The following DNAH14 variants were observed in gnomAD, a reference collection of about 807,000 sequenced individuals.
The protein encoded by DNAH14 is dynein axonemal heavy chain 14, also known as axonemal beta dynein heavy chain 14.
DNAH14 carries 478 observed loss-of-function variants against 520.9 expected under a neutral mutation model. That is an observed-to-expected ratio of 0.92 (90% CI 0.85 to 0.99). The LOEUF (loss-of-function observed/expected upper bound fraction) is 0.99. Ranked by LOEUF, DNAH14 falls within the 50% of genes least tolerant of loss-of-function variation. The pLI, the probability that DNAH14 is intolerant of heterozygous loss-of-function variation, is 0.00. For missense variants in DNAH14, 4,831 were observed against 5,234.5 expected (o/e 0.92, Z 2.38); for synonymous variants, 1,581 against 1,757.2 (o/e 0.90, Z 2.51).
intron 10 of DNAH14, among the ~76,000 whole-genome samples, chr1:225,020,465 C>T (rs1181056277): frequency 1.5e-5 from 2 of 131,120 alleles, no homozygotes; most frequent in Non-Finnish European, 3.1e-5. Flanking sequence ...CCACTGGAAT[C>T]CAGCCTGGGT....
intron 74 of DNAH14, among the ~76,000 whole-genome samples, chr1:225,359,639 G>T (rs937567718): frequency 1.3e-5 from 2 of 152,140 alleles, no homozygotes; most frequent in African/African-American, 2.4e-5. Context: ...CACCTGGAAT[G>T]TTTCCATGCA....
At chr1:225,056,528 A>C (rs1239197466) in intron 17 of DNAH14, among the ~76,000 whole-genome samples, 1 of 152,052 alleles carries the variant, frequency 6.6e-6, no homozygotes, top group Non-Finnish European at 1.5e-5. Context: ...AAAGCTCTTT[A>C]GTTTAATTAG....
At chr1:225,078,216 A>G (rs2072535652) in intron 17 of DNAH14, among the ~76,000 whole-genome samples, 2 of 152,182 alleles carry the variant, frequency 1.3e-5, no homozygotes, top group Non-Finnish European at 2.9e-5. Context: ...ACAGTTGTAT[A>G]ACTTGCTACA....
At chr1:225,327,050 A>G (rs2094687371) in intron 64 of DNAH14, among the ~76,000 whole-genome samples, 1 of 152,238 alleles carries the variant, frequency 6.6e-6, no homozygotes. Context: ...GATATTCTCC[A>G]GGGTAGACCA....
chr1:225,103,553 T>C (rs1328976860), intron 23 of DNAH14, among the ~76,000 whole-genome samples: 2 of 152,178 alleles, frequency 1.3e-5, no homozygotes, highest in Non-Finnish European at 2.9e-5. Context: ...GTTTGTATCC[T>C]CTTTTATTTC....
chr1:225,351,650 C>T lies in DNAH14; in HGVS notation c.11300C>T (p.Thr3767Ile). 1.3e-6 allele frequency: 2 copies of T among 1,541,160 alleles called. No individual in the cohort carries two copies. The highest frequency in any genetic ancestry group is 1.2e-5 in the South Asian group (1 of 82,826). The change falls in exon 72 of 86, where the codon ACA (threonine) becomes ATA (isoleucine). Residue 3767 changes from threonine to isoleucine, a missense_variant. Physicochemically the swap from Thr to Ile is moderately conservative, Grantham distance 89. Coordinates refer to ENST00000682510, the MANE Select transcript of DNAH14 (RefSeq NM_001367479.1). ...SALSQSRLTS[T>I]FEIGESQHLQ... is the part of the protein sequence containing the mutation. ...ATCATCTTTCTTTTTTTATCAGGCA[C>T]ATTTGAAATAGGTGAAAGTCAACAT...
intron 78 of DNAH14, among the ~76,000 whole-genome samples, chr1:225,375,274 C>G (rs188723759): frequency 6.6e-6 from 1 of 152,158 alleles, no homozygotes; most frequent in African/African-American, 2.4e-5. Flanking sequence ...CCCTCTTCTC[C>G]CCCTCAGTTT....
At chr1:225,116,940 A>T (rs2076912396) in intron 23 of DNAH14, among the ~76,000 whole-genome samples, 1 of 152,162 alleles carries the variant, frequency 6.6e-6, no homozygotes, top group African/African-American at 2.4e-5. Context: ...TCTTTTCAAG[A>T]ACTTCGTGGA....
intron 64 of DNAH14, among the ~76,000 whole-genome samples, chr1:225,329,460 G>A (rs1228189013): frequency 6.6e-6 from 1 of 152,106 alleles, no homozygotes; most frequent in African/African-American, 2.4e-5. Context: ...CAAAACTCTG[G>A]ACTATATCCT....
At chr1:225,382,215 C>T (rs2095791789) in intron 81 of DNAH14, among the ~76,000 whole-genome samples, 1 of 152,174 alleles carries the variant, frequency 6.6e-6, no homozygotes, top group Non-Finnish European at 1.5e-5. Flanking sequence ...GATACAACTT[C>T]ACACCTACTA....
intron 41 of DNAH14, among the ~76,000 whole-genome samples, chr1:225,210,288 G>A (rs891216654): frequency 6.6e-6 from 1 of 152,162 alleles, no homozygotes; most frequent in Admixed American, 6.5e-5. Context: ...CAGCACAGCA[G>A]TATGAAGTTT....
chr1:225,134,798 G>C (rs945511451), intron 27 of DNAH14, among the ~76,000 whole-genome samples: 1 of 151,946 alleles, frequency 6.6e-6, no homozygotes, highest in African/African-American at 2.4e-5. Flanking sequence ...AGTAGAAATA[G>C]TACCAGCTTC....
intron 21 of DNAH14, among the ~76,000 whole-genome samples, chr1:225,087,036 A>ACACG (rs1267364820): frequency 7.1e-6 from 1 of 140,508 alleles, no homozygotes; most frequent in African/African-American, 2.7e-5. Flanking sequence ...ACACACACAC[A>ACACG]GCCTTCTACT....
At chr1:225,118,042 A>G in intron 25 of DNAH14, 43 bp downstream of exon 25, 1 of 1,383,178 alleles carries the variant, frequency 7.2e-7, no homozygotes, top group South Asian at 1.2e-5. Context: ...GTACAACGTC[A>G]TTATTTAAAA....
chr1:225,157,633 C>T (rs1001197096), intron 34 of DNAH14, among the ~76,000 whole-genome samples: 3 of 152,038 alleles, frequency 2.0e-5, no homozygotes, highest in African/African-American at 7.3e-5. Flanking sequence ...TACTACCAGA[C>T]ATATTGGTCA....
chr1:225,129,744 G>A (rs1175014424), intron 27 of DNAH14, among the ~76,000 whole-genome samples: 1 of 151,924 alleles, frequency 6.6e-6, no homozygotes, highest in African/African-American at 2.4e-5. Flanking sequence ...TTACCATTCA[G>A]GACATAGGCA....
chr1:225,145,513 T>C, intron 30 of DNAH14, 134 bp downstream of exon 30: 2 of 654,892 alleles, frequency 3.1e-6, no homozygotes. Flanking sequence ...TTAAATGCTG[T>C]TACTTCTTTT....
intron 82 of DNAH14, among the ~76,000 whole-genome samples, chr1:225,388,839 C>T (rs1397199849): frequency 6.6e-6 from 1 of 152,078 alleles, no homozygotes; most frequent in African/African-American, 2.4e-5. Flanking sequence ...TGCAGTGGCA[C>T]GATCTCTGTT....
At chr1:225,239,907 TA>T (rs1166061662) in intron 42 of DNAH14, among the ~76,000 whole-genome samples, 1 of 152,256 alleles carries the variant, frequency 6.6e-6, no homozygotes, top group African/African-American at 2.4e-5. Context: ...AATTCTGAAC[TA>T]TATGAAATGT....
Sources: allele counts gnomAD v4.1 joint callset (sites outside exome capture counted in the v4.1 genomes callset), GRCh38; gene constraint gnomAD v4.1.1; transcripts MANE v1.5; gene names NCBI Gene and HGNC (gene_info 2026-07-23, HGNC 2026-07-21).